The following SYTL1 variants were observed in gnomAD, a reference collection of about 807,000 sequenced individuals.
SYTL1 encodes synaptotagmin like 1.
SYTL1 carries 53 observed loss-of-function variants against 74.6 expected under a neutral mutation model. The ratio of observed to expected loss-of-function variants is 0.71; its 90% confidence interval spans 0.57 to 0.89. The LOEUF is 0.89. SYTL1 is among the 40% of genes least tolerant of loss of function. The probability of loss-of-function intolerance (pLI) is 0.00; values close to 1 mark genes in which losing one functional copy is unlikely to be tolerated. For missense variants in SYTL1, 728 were observed against 768.7 expected (o/e 0.95, Z 0.63); for synonymous variants, 329 against 324.9 (o/e 1.01, Z -0.14).
At position 27,349,664 on chromosome 1, in the gene SYTL1, TCC is replaced by T. The variant is rs5773188; in HGVS notation, c.648_649del (p.Gln217AspfsTer29). 15 of 1,609,372 alleles carry T rather than the reference TCC, an allele frequency of 9.3e-6. No homozygotes were observed. The South Asian group carries it at 1.7e-4, about 18-fold the overall frequency. On this transcript the variant is annotated frameshift_variant, in exon 8 of 15. Coordinates refer to ENST00000616558, the MANE Select transcript of SYTL1 (RefSeq NM_001193308.2). LOFTEE classifies it high-confidence loss of function. ...GCCCCCTCTGCAGACCAAGGCCGCGTCCCAGATCCTGGAGAATGGGGAGGAGG... is the reference window on the plus strand; with the variant it reads ...GCCCCCTCTGCAGACCAAGGCCGCGTCAGATCCTGGAGAATGGGGAGGAGG... ...RPQQAQTKAA[S>X]QILENGEEAP...
At position 27,349,085 on chromosome 1, in the gene SYTL1, T is replaced by C. The variant is rs1024766613; in HGVS notation, c.465T>C (p.Pro155=). Reference sequence around the variant, plus strand: ...CTACCCCTTTCTTCCTTCAGGGACCTGATTTCCCATCGCCTTCTGTCCCCC... The same window carrying C: ...CTACCCCTTTCTTCCTTCAGGGACCCGATTTCCCATCGCCTTCTGTCCCCC... The part of the protein sequence containing the change: ...PQERLRETEG[P]DFPSPSVPLK... The change falls in exon 6 of 15, where the codon CCT becomes CCC. Residue 155 remains proline, a synonymous_variant. Coordinates refer to ENST00000616558, the MANE Select transcript of SYTL1 (RefSeq NM_001193308.2). The C allele has an allele frequency of 5.6e-6, 9 of 1,613,490 alleles. No individual in the cohort carries two copies. Among genetic ancestry groups the C allele is most frequent in the Non-Finnish European group, 7.6e-6 (9 of 1,179,426 alleles).
rs746536870 is a variant in SYTL1 at position 27,349,448 on chromosome 1, C to T, written c.583C>T (p.Leu195=). Residue 195 remains leucine (L), a synonymous_variant, in exon 7 of 15, where the codon CTG becomes TTG. Transcript: ENST00000616558. ...QVCAEEADPE[L]EPASGGEQEP... ...CTGTGCCGAGGAGGCTGACCCGGAGCTGGAGCCCGCGTCGGGGGGAGAGCA... is the reference window on the plus strand; with the variant it reads ...CTGTGCCGAGGAGGCTGACCCGGAGTTGGAGCCCGCGTCGGGGGGAGAGCA... 2.1e-6 allele frequency: 3 copies of T among 1,453,690 alleles called. No individual in the cohort carries two copies. Among genetic ancestry groups the T allele is most frequent in the Non-Finnish European group, 2.7e-6 (3 of 1,102,602 alleles). 90.0% of individuals were successfully genotyped at this position (1,453,690 alleles called of 1,614,324 possible).
chr1:27,345,780 C>CTTT lies in SYTL1; in HGVS notation c.191+267_191+269dup, dbSNP rs541342834. On this transcript the variant is annotated intron_variant, in intron 2 of 14. Transcript: ENST00000616558. This position sits in a 1 kb window ranked among gnomAD's most constrained non-coding sequence, Gnocchi z 6.0. Reference sequence around the variant, plus strand: ...AGCTGGTGCTCCCCAGATCTGTCTGCTTTTTTTTTTTTTTCTTGAGACAGA... The same window carrying CTTT: ...AGCTGGTGCTCCCCAGATCTGTCTGCTTTTTTTTTTTTTTTTTCTTGAGACAGA... 6.9e-6 allele frequency among the ~76,000 whole-genome samples: 1 copy of CTTT among 144,978 alleles called. No individual in the cohort carries two copies. The highest frequency in any genetic ancestry group is 2.5e-5 in the African/African-American group (1 of 39,716).
Position 27,347,169 on chromosome 1 carries a change from C to T in SYTL1, c.192-252C>T, listed in dbSNP as rs2015034194. Among the ~76,000 whole-genome samples, 1 of 152,166 alleles carries T rather than the reference C, an allele frequency of 6.6e-6. No homozygotes were observed. The highest frequency in any genetic ancestry group is 2.4e-5 in the African/African-American group (1 of 41,442). ...ATAAAGGCAATTCAAATGTCACCTC[C>T]TCTGGGAAGCCCTCCTGGATTCTCA... On this transcript the variant is annotated intron_variant, in intron 2 of 14. Transcript: ENST00000616558. This position sits in a 1 kb window ranked among gnomAD's most constrained non-coding sequence, Gnocchi z 4.9.
At position 27,345,797 on chromosome 1, in the gene SYTL1, T is replaced by C. The variant is rs1442008417; in HGVS notation, c.191+272T>C. On this transcript the variant is annotated intron_variant, in intron 2 of 14. Transcript: ENST00000616558. The surrounding 1 kb of genome is among the most constrained non-coding windows in gnomAD (Gnocchi z 6.0). ...TCTGTCTGCTTTTTTTTTTTTTTCT[T>C]GAGACAGAGTTTCATTTTTTCGCCC... Among the ~76,000 whole-genome samples the C allele has an allele frequency of 6.6e-6, 1 of 151,616 alleles. No homozygotes were observed. The highest frequency in any genetic ancestry group is 1.5e-5 in the Non-Finnish European group (1 of 67,812).
intron 1 of SYTL1, chr1:27,344,842 CAAAAAAAAAAAAA>C (rs35304590): frequency 8.8e-5 from 4 of 45,220 alleles, no homozygotes; most frequent in African/African-American, 1.8e-4. Context: ...CAAGACTCCT[CAAAAAAAAAAAAA>C]AAAAAAAAAA....
rs2015295354 is a variant in SYTL1, at chr1:27,351,938, CG to C, written c.1343+386del. 5.5e-6 allele frequency: 1 copy of C among 180,854 alleles called. No homozygotes were observed. Among genetic ancestry groups the C allele is most frequent in the Non-Finnish European group, 1.1e-5 (1 of 87,816 alleles). 11.2% of individuals were successfully genotyped at this position (180,854 alleles called of 1,614,324 possible). A position where few individuals can be genotyped will look rare whatever the true frequency, so the allele number is the denominator to read the frequency against. On this transcript the variant is annotated intron_variant, in intron 13 of 14. Transcript: ENST00000616558. This position sits in a 1 kb window ranked among gnomAD's most constrained non-coding sequence, Gnocchi z 5.0. ...TGTTAGAGAGTGAAATGGAGGTGGG[CG>C]GGTCACTTCTGGGTGTCCACTCTGA... is the stretch of plus-strand genomic sequence containing the variant.
At chr1:27,346,094 A>G (rs1389838596) in intron 2 of SYTL1, among the ~76,000 whole-genome samples, 1 of 151,900 alleles carries the variant, frequency 6.6e-6, no homozygotes, top group East Asian at 1.9e-4. Context: ...TCCGTCCTTA[A>G]TATCCCCGCT....
At position 27,348,247 on chromosome 1, in the gene SYTL1, C is replaced by T. The variant is rs2015088124; in HGVS notation, c.459+235C>T. Among the ~76,000 whole-genome samples, 1 of 152,050 alleles carries T rather than the reference C, an allele frequency of 6.6e-6. No individual in the cohort carries two copies. The highest frequency in any genetic ancestry group is 1.5e-5 in the Non-Finnish European group (1 of 67,992). The stretch of plus-strand genomic sequence containing the variant: ...ACAGTGAGTGGTATATGGACCCAGC[C>T]TCTAAGGGAACTTCTGAATCTGGCT... On this transcript the variant is annotated intron_variant, in intron 5 of 14. Coordinates refer to ENST00000616558, the MANE Select transcript of SYTL1 (RefSeq NM_001193308.2). This position sits in a 1 kb window ranked among gnomAD's most constrained non-coding sequence, Gnocchi z 4.1.
In SYTL1 at chr1:27,347,825, C is replaced by T; in HGVS notation, c.358C>T (p.His120Tyr). ...GCGCCCAGGAGACCAGGCTCCAGGC[C>T]ACGACAGGGAGGCTGAGGCTGCTGT... is the stretch of plus-strand genomic sequence containing the variant. ...KSTRGDQAPG[H>Y]DREAEAAVKE... Residue 120 changes from histidine (H) to tyrosine (Y), a missense_variant, in exon 4 of 15, where the codon CAC (histidine) becomes TAC (tyrosine). By Grantham distance (83) the His-to-Tyr change is moderately conservative (BLOSUM62 2). Coordinates refer to ENST00000616558, the MANE Select transcript of SYTL1 (RefSeq NM_001193308.2). The surrounding 1 kb of genome is among the most constrained non-coding windows in gnomAD (Gnocchi z 4.9). 2 of 1,613,634 alleles carry T rather than the reference C, an allele frequency of 1.2e-6. No individual in the cohort carries two copies. The highest frequency in any genetic ancestry group is 4.5e-5 in the East Asian group (2 of 44,882).
Position 27,345,025 on chromosome 1 carries a change from T to C in SYTL1, c.-38-272T>C, listed in dbSNP as rs2014938454. ...CTACATGGACCCGCGTGTGCACATG[T>C]GTCTGTGTGTTCCATCGCTGCAGTC... On this transcript the variant is annotated intron_variant, in intron 1 of 14. Coordinates refer to ENST00000616558, the MANE Select transcript of SYTL1 (RefSeq NM_001193308.2). This position sits in a 1 kb window ranked among gnomAD's most constrained non-coding sequence, Gnocchi z 6.0. 8.9e-6 allele frequency: 2 copies of C among 225,268 alleles called. No homozygotes were observed. Among genetic ancestry groups the C allele is most frequent in the South Asian group, 2.7e-4 (2 of 7,458 alleles). 14.0% of individuals were successfully genotyped at this position (225,268 alleles called of 1,614,324 possible). A position where few individuals can be genotyped will look rare whatever the true frequency, so the allele number is the denominator to read the frequency against.
rs1423087380 is a variant in SYTL1, at chr1:27,347,420, G to C, written c.192-1G>C. The stretch of plus-strand genomic sequence containing the variant: ...CAGCCACACCCTCCCCCTTCCTCCA[G>C]CAAGCTCCGGGCCTCAGTGGCAGAC... On this transcript the variant is annotated splice_acceptor_variant, in intron 2 of 14. Coordinates refer to ENST00000616558, the MANE Select transcript of SYTL1 (RefSeq NM_001193308.2). LOFTEE classifies it high-confidence loss of function. This position sits in a 1 kb window ranked among gnomAD's most constrained non-coding sequence, Gnocchi z 4.9. 6.2e-7 allele frequency: 1 copy of C among 1,614,038 alleles called. No individual in the cohort carries two copies. The highest frequency in any genetic ancestry group is 8.5e-7 in the Non-Finnish European group (1 of 1,180,010).
Position 27,351,724 on chromosome 1 carries a change from A to AG in SYTL1, c.1343+169_1343+170insG. The AG allele has an allele frequency of 1.8e-6, 1 of 544,230 alleles. No homozygotes were observed. Among genetic ancestry groups the AG allele is most frequent in the Non-Finnish European group, 3.2e-6 (1 of 310,740 alleles). The allele number at this position is 544,230 out of a possible 1,614,324, so 33.7% of individuals were successfully genotyped here. ...AGGCCTGGAGTCAGGGAAGTTGAGG[A>AG]CACCTTTGAGGAGCTGCATTTCAGC... On this transcript the variant is annotated intron_variant, in intron 13 of 14. Transcript: ENST00000616558. The surrounding 1 kb of genome is among the most constrained non-coding windows in gnomAD (Gnocchi z 5.0).
In SYTL1 at chr1:27,350,807, A is replaced by C; in HGVS notation, c.1019A>C (p.Gln340Pro). The C allele has an allele frequency of 6.2e-7, 1 of 1,613,766 alleles. No homozygotes were observed. Among genetic ancestry groups the C allele is most frequent in the Non-Finnish European group, 8.5e-7 (1 of 1,180,022 alleles). Residue 340 changes from glutamine (Q) to proline (P), a missense_variant, in exon 11 of 15, where the codon CAG (glutamine) becomes CCG (proline). Coordinates refer to ENST00000616558, the MANE Select transcript of SYTL1 (RefSeq NM_001193308.2). This position sits in a 1 kb window ranked among gnomAD's most constrained non-coding sequence, Gnocchi z 6.3. The stretch of plus-strand genomic sequence containing the variant: ...TCCTGTCCTCAGTACTCCGTCCCGC[A>C]GGCCGAGCTTCAGGGCCGCGTGCTG... ...FNETLRYSVPQAELQGRVLSL... is the reference protein window; with the variant it reads ...FNETLRYSVPPAELQGRVLSL...
chr1:27,351,619 C>T lies in SYTL1; in HGVS notation c.1343+64C>T. 9.6e-7 allele frequency: 1 copy of T among 1,040,244 alleles called. No individual in the cohort carries two copies. Among genetic ancestry groups the T allele is most frequent in the Non-Finnish European group, 1.4e-6 (1 of 720,368 alleles). 64.4% of individuals were successfully genotyped at this position (1,040,244 alleles called of 1,614,324 possible). ...CCTGCAGTGGAGTGCCCAACCTCCA[C>T]AAACCCTTACTAATCAACCTTTGAT... On this transcript the variant is annotated intron_variant, in intron 13 of 14. Transcript: ENST00000616558. This position sits in a 1 kb window ranked among gnomAD's most constrained non-coding sequence, Gnocchi z 5.0.
intron 1 of SYTL1, chr1:27,344,780 T>C (rs7528047): frequency 0.98 from 145,242 of 148,268 alleles, 71,217 homozygotes; most frequent in Middle Eastern, 1. Context: ...CGTCAGGCAG[T>C]GGTTGCAGTG....
In SYTL1 at chr1:27,345,039, A is replaced by G. The variant is rs1307155423; in HGVS notation, c.-38-258A>G. ...GTGTGCACATGTGTCTGTGTGTTCCATCGCTGCAGTCCTGTGTGGCCCTAC... is the reference window on the plus strand; with the variant it reads ...GTGTGCACATGTGTCTGTGTGTTCCGTCGCTGCAGTCCTGTGTGGCCCTAC... On this transcript the variant is annotated intron_variant, in intron 1 of 14. Transcript: ENST00000616558. The surrounding 1 kb of genome is among the most constrained non-coding windows in gnomAD (Gnocchi z 6.0). 5 of 241,332 alleles carry G rather than the reference A, an allele frequency of 2.1e-5. No individual in the cohort carries two copies. Among genetic ancestry groups the G allele is most frequent in the African/African-American group, 1.1e-4 (5 of 44,398 alleles). The allele number at this position is 241,332 out of a possible 1,614,324, so 14.9% of individuals were successfully genotyped here.
In SYTL1 at chr1:27,346,174, G is replaced by A. The variant is rs535920192; in HGVS notation, c.191+649G>A. On this transcript the variant is annotated intron_variant, in intron 2 of 14. Transcript: ENST00000616558. ...CATGGTCCACTGGGCCTCCCTGGTCGGTCCTTGCCAGCCCCCACCATCTCC... is the reference window on the plus strand; with the variant it reads ...CATGGTCCACTGGGCCTCCCTGGTCAGTCCTTGCCAGCCCCCACCATCTCC... Among the ~76,000 whole-genome samples the A allele has an allele frequency of 3.3e-5, 5 of 152,152 alleles. No individual in the cohort carries two copies. The South Asian group carries it at 6.2e-4, about 19-fold the overall frequency.
At position 27,353,320 on chromosome 1, in the gene SYTL1, C is replaced by T. The variant is rs756903911; in HGVS notation, c.1381C>T (p.Arg461Cys). 5.8e-5 allele frequency: 93 copies of T among 1,606,540 alleles called. No homozygotes were observed. Among genetic ancestry groups the T allele is most frequent in the Non-Finnish European group, 7.3e-5 (86 of 1,176,886 alleles). The change falls in exon 14 of 15, where the codon CGT becomes TGT. Residue 461 changes from arginine to cysteine, a missense_variant. Coordinates refer to ENST00000616558, the MANE Select transcript of SYTL1 (RefSeq NM_001193308.2). ...TGATGACAGCCAGGCCAGCCGCCAG[C>T]GTACAAGGGTTGTGCGACGCAGCCT... ...LPDDSQASRQ[R>C]TRVVRRSLSP...
Sources: gnomAD v4.1 joint callset for allele counts (sites outside exome capture counted in the v4.1 genomes callset) on GRCh38, gnomAD v4.1.1 for gene constraint, Gnocchi (gnomAD v3.1) non-coding constraint, MANE v1.5 for transcripts, NCBI Gene and HGNC (gene_info 2026-07-23, HGNC 2026-07-21) for gene names.